CARMIL1: variants seen among roughly 807,000 people sequenced by gnomAD.
CARMIL1 encodes the protein F-actin-uncapping protein LRRC16A.
Under a neutral mutation model 177.1 loss-of-function variants are expected in CARMIL1, and 90 were observed. That is an observed-to-expected ratio of 0.51 (90% CI 0.43 to 0.61). The LOEUF (loss-of-function observed/expected upper bound fraction) is 0.61, where lower values mean the gene tolerates loss of function less well. Among genes scored for constraint, CARMIL1 ranks in the 20% least tolerant of loss-of-function variants. The probability of loss-of-function intolerance (pLI) is 0.00; values close to 1 mark genes in which losing one functional copy is unlikely to be tolerated. For synonymous variants in CARMIL1, 577 were observed against 606.2 expected (o/e 0.95, Z 0.71); for missense variants, 1,380 against 1,667.0 (o/e 0.83, Z 3.00).
chr6:25,568,853 T>C (rs1811803364), intron 29 of CARMIL1, among the ~76,000 whole-genome samples: 1 of 152,240 alleles, frequency 6.6e-6, no homozygotes, highest in South Asian at 2.1e-4. Flanking sequence ...AGAATGTCAC[T>C]GGAAGATTCA....
intron 2 of CARMIL1, among the ~76,000 whole-genome samples, chr6:25,315,912 A>G (rs1220758891): frequency 6.6e-6 from 1 of 152,180 alleles, no homozygotes; most frequent in East Asian, 1.9e-4. Context: ...TCCCAGGCCT[A>G]CAGAACCAGG....
intron 26 of CARMIL1, among the ~76,000 whole-genome samples, chr6:25,546,779 G>T (rs1353079302): frequency 1.3e-5 from 2 of 151,996 alleles, no homozygotes; most frequent in African/African-American, 4.8e-5. Flanking sequence ...GCCTGGTATG[G>T]TGGCTCACGT....
At chr6:25,350,825 T>C (rs2150358139) in intron 2 of CARMIL1, 2 of 152,294 alleles carry the variant, frequency 1.3e-5, no homozygotes, top group East Asian at 3.9e-4. Flanking sequence ...AACCTAAGGT[T>C]TAATGATAGA....
At chr6:25,429,181 A>C (rs1796518782) in intron 4 of CARMIL1, among the ~76,000 whole-genome samples, 1 of 152,184 alleles carries the variant, frequency 6.6e-6, no homozygotes, top group Non-Finnish European at 1.5e-5. Context: ...GAATAGTTCC[A>C]TTGAATAAAG....
rs1290823655 is a variant in CARMIL1, at chr6:25,491,734, C to T, written c.1068C>T (p.His356=). The T allele has an allele frequency of 1.9e-6, 3 of 1,575,504 alleles. No homozygotes were observed. Among genetic ancestry groups the T allele is most frequent in the Non-Finnish European group, 2.6e-6 (3 of 1,155,306 alleles). Reference sequence around the variant, plus strand: ...TTTATCTTTTATTTTTTTTCAAGCACATGTATAATTTTTTGGCCCAGCCAA... The same window carrying T: ...TTTATCTTTTATTTTTTTTCAAGCATATGTATAATTTTTTGGCCCAGCCAA... ...GNVLRGDDLS[H]MYNFLAQPNA... is the part of the protein sequence containing the mutation. The change falls in exon 14 of 37, where the codon CAC becomes CAT. Residue 356 remains histidine (H), a splice_region_variant and synonymous_variant. Transcript: ENST00000329474.
chr6:25,404,937 G>A (rs1407578788), intron 2 of CARMIL1, among the ~76,000 whole-genome samples: 7 of 152,138 alleles, frequency 4.6e-5, no homozygotes, highest in Non-Finnish European at 7.4e-5. Flanking sequence ...ACTGAGGCAC[G>A]GCGGAGGAGG....
At chr6:25,436,845 G>A (rs1405466595) in intron 5 of CARMIL1, among the ~76,000 whole-genome samples, 1 of 152,214 alleles carries the variant, frequency 6.6e-6, no homozygotes, top group Admixed American at 6.5e-5. Context: ...TTTCAGTGGA[G>A]TGGAGAGGGT....
intron 31 of CARMIL1, among the ~76,000 whole-genome samples, chr6:25,584,000 G>C (rs1813382476): frequency 6.9e-6 from 1 of 143,936 alleles, no homozygotes; most frequent in Admixed American, 6.9e-5. Context: ...ATAATCTTAT[G>C]TACTTTTATC....
intron 31 of CARMIL1, among the ~76,000 whole-genome samples, chr6:25,590,653 T>G (rs1374921093): frequency 1.3e-5 from 2 of 152,174 alleles, no homozygotes; most frequent in African/African-American, 4.8e-5. Context: ...TTACTAAGGA[T>G]TTTATTTCTT....
At chr6:25,428,245 G>A (rs987530910) in intron 4 of CARMIL1, among the ~76,000 whole-genome samples, 2 of 151,752 alleles carry the variant, frequency 1.3e-5, no homozygotes, top group Non-Finnish European at 2.9e-5. Flanking sequence ...TTTCTCATAT[G>A]TGTATTATAT....
At chr6:25,298,665 A>T (rs1482889405) in intron 2 of CARMIL1, among the ~76,000 whole-genome samples, 4 of 151,894 alleles carry the variant, frequency 2.6e-5, no homozygotes, top group Admixed American at 6.6e-5. Flanking sequence ...CTGTTCATTC[A>T]CTTAGGGCTT....
intron 8 of CARMIL1, among the ~76,000 whole-genome samples, chr6:25,452,924 A>G (rs892302759): frequency 3.3e-5 from 5 of 152,254 alleles, no homozygotes; most frequent in African/African-American, 1.2e-4. Flanking sequence ...ATGTAGAATC[A>G]GAACCATATC....
At chr6:25,598,846 A>T (rs1379932214) in intron 32 of CARMIL1, among the ~76,000 whole-genome samples, 2 of 151,994 alleles carry the variant, frequency 1.3e-5, no homozygotes, top group African/African-American at 4.8e-5. Context: ...TTGCGGGGAG[A>T]GGGTATCCCT....
At chr6:25,281,527 A>C (rs1215764300) in intron 1 of CARMIL1, among the ~76,000 whole-genome samples, 27 of 152,192 alleles carry the variant, frequency 1.8e-4, no homozygotes, top group Non-Finnish European at 1.5e-5. Context: ...CATGGTTCTC[A>C]AAAGGAATAG....
At chr6:25,519,897 G>A (rs184202) in intron 22 of CARMIL1, among the ~76,000 whole-genome samples, 33,217 of 152,136 alleles carry the variant, frequency 0.22, 4,170 homozygotes, top group African/African-American at 0.34. Flanking sequence ...CATGTAGCAA[G>A]TTGATGCTGG....
At chr6:25,446,730 T>C (rs893286980) in intron 5 of CARMIL1, among the ~76,000 whole-genome samples, 1 of 152,214 alleles carries the variant, frequency 6.6e-6, no homozygotes, top group Non-Finnish European at 1.5e-5. Context: ...CTGTCTTGGC[T>C]TTCCATGTGC....
At chr6:25,403,077 A>T (rs1794025211) in intron 2 of CARMIL1, among the ~76,000 whole-genome samples, 2 of 114,410 alleles carry the variant, frequency 1.7e-5, no homozygotes, top group African/African-American at 6.6e-5. Flanking sequence ...TTCTTCCATA[A>T]AGAGTTTTTT....
At chr6:25,279,856 GGTTTTCCAC>G in intron 1 of CARMIL1, 21 bp downstream of exon 1, 1 of 1,613,638 alleles carries the variant, frequency 6.2e-7, no homozygotes, top group Non-Finnish European at 8.5e-7. Context: ...CGCGGTTGTT[GGTTTTCCAC>G]CTTCCTCTGC....
intron 2 of CARMIL1, among the ~76,000 whole-genome samples, chr6:25,349,997 G>T (rs1242506068): frequency 6.6e-6 from 1 of 152,056 alleles, no homozygotes; most frequent in Non-Finnish European, 1.5e-5. Flanking sequence ...AAAGTGCTGG[G>T]ATTACAGGTG....
Sources: gnomAD v4.1 joint callset for allele counts (sites outside exome capture counted in the v4.1 genomes callset) on GRCh38, gnomAD v4.1.1 for gene constraint, MANE v1.5 for transcripts, NCBI Gene and HGNC (gene_info 2026-07-23, HGNC 2026-07-21) for gene names.